Variants in CACNA1C observed in about 807,000 individuals in gnomAD.
The protein encoded by CACNA1C is calcium voltage-gated channel subunit alpha1 C.
Under a neutral mutation model 229.0 loss-of-function variants are expected in CACNA1C, and 30 were observed. The ratio of observed to expected loss-of-function variants is 0.13; its 90% CI spans 0.10 to 0.18. The LOEUF (loss-of-function observed/expected upper bound fraction) is 0.18, where lower values mean the gene tolerates loss of function less well. Among genes scored for constraint, CACNA1C ranks in the 10% least tolerant of loss-of-function variants. The pLI is 1.00. For missense variants in CACNA1C, 1,658 were observed against 2,845.0 expected (o/e 0.58, Z 9.49); for synonymous variants, 1,114 against 1,132.5 (o/e 0.98, Z 0.33).
chr12:2,379,015 G>A (rs1461715538), intron 3 of CACNA1C, among the ~76,000 whole-genome samples: 1 of 152,168 alleles, frequency 6.6e-6, no homozygotes, highest in African/African-American at 2.4e-5. Flanking sequence ...AGAACAGCGA[G>A]AAAAATACTG....
intron 3 of CACNA1C, among the ~76,000 whole-genome samples, chr12:2,240,754 G>GGCCTCCTCA (rs2069667773): frequency 6.6e-6 from 1 of 151,918 alleles, no homozygotes; most frequent in Admixed American, 6.6e-5. Flanking sequence ...GTGGGCACGC[G>GGCCTCCTCA]TGGCCTCCTC....
intron 9 of CACNA1C, among the ~76,000 whole-genome samples, chr12:2,527,614 A>G (rs1002324630): frequency 1.3e-5 from 2 of 152,258 alleles, no homozygotes; most frequent in Non-Finnish European, 2.9e-5. Context: ...AGGAGCAAGA[A>G]GAAATTAAGG....
At chr12:2,534,892 C>T (rs929779818) in intron 9 of CACNA1C, among the ~76,000 whole-genome samples, 1 of 152,194 alleles carries the variant, frequency 6.6e-6, no homozygotes, top group African/African-American at 2.4e-5. Flanking sequence ...CTATAAGTGA[C>T]ACAACATGAC....
At chr12:2,635,333 T>A (rs2092369935) in intron 30 of CACNA1C, among the ~76,000 whole-genome samples, 1 of 152,188 alleles carries the variant, frequency 6.6e-6, no homozygotes, top group Non-Finnish European at 1.5e-5. Flanking sequence ...TTTAAATCTC[T>A]CTTTATCTAT....
At chr12:2,375,828 G>T (rs999909208) in intron 3 of CACNA1C, among the ~76,000 whole-genome samples, 1 of 152,220 alleles carries the variant, frequency 6.6e-6, no homozygotes, top group African/African-American at 2.4e-5. Context: ...AGAGCTCACT[G>T]GTAACTCAGG....
chr12:2,218,792 C>G (rs143228799), intron 3 of CACNA1C, among the ~76,000 whole-genome samples: 95 of 152,312 alleles, frequency 6.2e-4, no homozygotes, highest in Middle Eastern at 3.4e-3. Flanking sequence ...AGATCAGTTG[C>G]AGGTTGCACG....
intron 3 of CACNA1C, among the ~76,000 whole-genome samples, chr12:2,333,960 C>T (rs1379240319): frequency 6.6e-6 from 1 of 152,216 alleles, no homozygotes; most frequent in African/African-American, 2.4e-5. Context: ...GGTCAGTCTT[C>T]TAACTTCCTC....
chr12:2,586,568 G>A (rs1232203758), intron 18 of CACNA1C, among the ~76,000 whole-genome samples: 1 of 152,212 alleles, frequency 6.6e-6, no homozygotes, highest in African/African-American at 2.4e-5. Flanking sequence ...TAGGATTGCA[G>A]ATATTATCGC....
At chr12:2,523,589 G>A (rs1019080711) in intron 9 of CACNA1C, among the ~76,000 whole-genome samples, 10 of 152,160 alleles carry the variant, frequency 6.6e-5, no homozygotes, top group African/African-American at 2.4e-4. Flanking sequence ...CCCCGGGGGG[G>A]ATCACTGACA....
chr12:2,057,977 G>A (rs1367334417), intron 1 of CACNA1C, among the ~76,000 whole-genome samples: 2 of 152,222 alleles, frequency 1.3e-5, no homozygotes, highest in Non-Finnish European at 2.9e-5. Flanking sequence ...GCACTTCACA[G>A]TTGATTTCCG....
chr12:2,248,124 A>G (rs543383686), intron 3 of CACNA1C, among the ~76,000 whole-genome samples: 7 of 152,206 alleles, frequency 4.6e-5, no homozygotes, highest in Non-Finnish European at 7.3e-5. Flanking sequence ...TAGCTAACCT[A>G]GGAAGGTTTG....
At chr12:2,262,203 T>G (rs1182188486) in intron 3 of CACNA1C, among the ~76,000 whole-genome samples, 4 of 152,192 alleles carry the variant, frequency 2.6e-5, no homozygotes, top group Admixed American at 2.6e-4. Context: ...GACTTGGTCC[T>G]CCCATCAGGG....
intron 3 of CACNA1C, among the ~76,000 whole-genome samples, chr12:2,340,314 A>C (rs918391654): frequency 1.3e-5 from 2 of 152,254 alleles, no homozygotes; most frequent in African/African-American, 4.8e-5. Context: ...GCCAAAAGGC[A>C]CTTAAGAAAG....
chr12:2,642,944 C>A (rs926218967), intron 30 of CACNA1C, among the ~76,000 whole-genome samples: 1 of 152,192 alleles, frequency 6.6e-6, no homozygotes, highest in East Asian at 1.9e-4. Flanking sequence ...AACAGTGAGA[C>A]CCTGAGGCTT....
At chr12:2,273,569 T>G (rs2086157039) in intron 3 of CACNA1C, among the ~76,000 whole-genome samples, 1 of 152,146 alleles carries the variant, frequency 6.6e-6, no homozygotes, top group Non-Finnish European at 1.5e-5. Flanking sequence ...CTGCTGGTTT[T>G]GGAGATGGGG....
chr12:1,976,108 T>C (rs531385071), intron 1 of CACNA1C, among the ~76,000 whole-genome samples: 1 of 152,118 alleles, frequency 6.6e-6, no homozygotes, highest in South Asian at 2.1e-4. Flanking sequence ...ATAGTTTTCT[T>C]TAGAGTTTAG....
chr12:2,648,572 C>T, intron 31 of CACNA1C, 65 bp downstream of exon 31: 1 of 1,465,166 alleles, frequency 6.8e-7, no homozygotes, highest in South Asian at 1.1e-5. Context: ...CCCACTCTCC[C>T]CACCCCGAAC....
intron 3 of CACNA1C, among the ~76,000 whole-genome samples, chr12:2,238,366 A>C (rs925842339): frequency 6.6e-6 from 1 of 152,216 alleles, no homozygotes; most frequent in African/African-American, 2.4e-5. Flanking sequence ...AGTGTGGCCA[A>C]AAACTGTCTC....
chr12:2,467,076 G>A lies in CACNA1C; in HGVS notation c.757+9370G>A, dbSNP rs1445503833. Among the ~76,000 whole-genome samples, 1 of 152,168 alleles carries A rather than the reference G, an allele frequency of 6.6e-6. No homozygotes were observed. The highest frequency in any genetic ancestry group is 1.5e-5 in the Non-Finnish European group (1 of 68,018). On this transcript the variant is annotated intron_variant, in intron 5 of 46. Transcript: ENST00000399655. The surrounding 1 kb of genome is among the most constrained non-coding windows in gnomAD (Gnocchi z 4.6). The stretch of plus-strand genomic sequence containing the variant: ...GGGGCATGTGCAGGGGGCCACCCCT[G>A]AGGCCGTCCCTCATTCTCCTTCACA...
Sources: allele counts gnomAD v4.1 joint callset (sites outside exome capture counted in the v4.1 genomes callset), GRCh38; gene constraint gnomAD v4.1.1; non-coding constraint Gnocchi (gnomAD v3.1); transcripts MANE v1.5; gene names NCBI Gene and HGNC (gene_info 2026-07-23, HGNC 2026-07-21).